The following SMG7 variants were observed in gnomAD, a reference collection of about 807,000 sequenced individuals.
SMG7 encodes the protein nonsense-mediated mRNA decay factor SMG7.
Under a neutral mutation model 148.2 loss-of-function variants are expected in SMG7, and 34 were observed. The observed-to-expected ratio is 0.23, with a 90% CI of 0.17 to 0.31. The LOEUF (loss-of-function observed/expected upper bound fraction) is 0.31. Among genes scored for constraint, SMG7 ranks in the 10% least tolerant of loss-of-function variants. The pLI is 1.00. For synonymous variants in SMG7, 492 were observed against 515.1 expected (o/e 0.96, Z 0.61); for missense variants, 1,114 against 1,408.4 (o/e 0.79, Z 3.35).
Position 183,527,706 on chromosome 1 carries a change from C to G in SMG7, c.485-250C>G. On this transcript the variant is annotated intron_variant, in intron 5 of 22. Transcript: ENST00000688051. This position sits in a 1 kb window ranked among gnomAD's most constrained non-coding sequence, Gnocchi z 4.0. ...TAGTGGGAGCTGGTGATGCATGACA[C>G]TGGAGGACCTGAAAATGGGGTCTAG... 1 of 530,858 alleles carries G rather than the reference C, an allele frequency of 1.9e-6. No homozygotes were observed. The highest frequency in any genetic ancestry group is 3.8e-6 in the Non-Finnish European group (1 of 266,500). The allele number at this position is 530,858 out of a possible 1,614,324, so 32.9% of individuals were successfully genotyped here. A position where few individuals can be genotyped will look rare whatever the true frequency, so the allele number is the denominator to read the frequency against.
chr1:183,492,822 A>G (rs938063140), intron 1 of SMG7, among the ~76,000 whole-genome samples: 1 of 152,114 alleles, frequency 6.6e-6, no homozygotes, highest in African/African-American at 2.4e-5. Context: ...CTATTTTAAC[A>G]TAAGCATATA....
At chr1:183,475,328 G>A (rs1651883880) in intron 1 of SMG7, among the ~76,000 whole-genome samples, 1 of 152,212 alleles carries the variant, frequency 6.6e-6, no homozygotes, top group African/African-American at 2.4e-5. Flanking sequence ...GAGGAATAAA[G>A]TAAGACAGGG....
intron 2 of SMG7, among the ~76,000 whole-genome samples, chr1:183,513,833 C>A (rs1662777778): frequency 6.6e-6 from 1 of 151,776 alleles, no homozygotes; most frequent in Non-Finnish European, 1.5e-5. Flanking sequence ...AGTTCGAGAC[C>A]AGTCTGGCCA....
At chr1:183,544,767 C>G (rs1669603042) in intron 15 of SMG7, among the ~76,000 whole-genome samples, 163 bp from the exon 16 acceptor site, 1 of 152,108 alleles carries the variant, frequency 6.6e-6, no homozygotes, top group Non-Finnish European at 1.5e-5. Flanking sequence ...AATATCAAGT[C>G]TATTTTTAGT....
At chr1:183,522,826 A>C (rs1571977744) in intron 4 of SMG7, among the ~76,000 whole-genome samples, 1 of 151,310 alleles carries the variant, frequency 6.6e-6, no homozygotes, top group Non-Finnish European at 1.5e-5. Context: ...ATTTTGGCTG[A>C]GTACGGTGCT....
intron 1 of SMG7, among the ~76,000 whole-genome samples, chr1:183,479,322 A>G (rs1653473541): frequency 6.6e-6 from 1 of 152,080 alleles, no homozygotes; most frequent in African/African-American, 2.4e-5. Context: ...TGTCTTGAGC[A>G]TTGTAAGACG....
chr1:183,482,180 A>G (rs189800950), intron 1 of SMG7, among the ~76,000 whole-genome samples: 2 of 151,760 alleles, frequency 1.3e-5, no homozygotes, highest in African/African-American at 4.8e-5. Context: ...CATATAAATT[A>G]GAGATTTTGA....
intron 8 of SMG7, among the ~76,000 whole-genome samples, chr1:183,532,569 T>C (rs1218187854): frequency 6.6e-6 from 1 of 152,188 alleles, no homozygotes; most frequent in South Asian, 2.1e-4. Context: ...AGTTGATAAT[T>C]TGTAGAAGTA....
At chr1:183,523,915 C>CTTTTGTT (rs893733051) in intron 4 of SMG7, among the ~76,000 whole-genome samples, 1 of 150,644 alleles carries the variant, frequency 6.6e-6, no homozygotes, top group African/African-American at 2.4e-5. Context: ...TAGTTATCCA[C>CTTTTGTT]TTTTGTTTTT....
Position 183,544,925 on chromosome 1 carries a change from T to G in SMG7, c.1988-5T>G. ...AAACTAAAGCTGTGTTCTTCTGTTT[T>G]GAAGGGTTTCCGCCCCCAACATATG... On this transcript the variant is annotated splice_region_variant and splice_polypyrimidine_tract_variant and intron_variant, in intron 15 of 22. Transcript: ENST00000688051. 6.2e-7 allele frequency: 1 copy of G among 1,609,924 alleles called. No individual in the cohort carries two copies. Among genetic ancestry groups the G allele is most frequent in the Non-Finnish European group, 8.5e-7 (1 of 1,176,988 alleles).
chr1:183,529,108 C>A, intron 7 of SMG7, 66 bp downstream of exon 7: 1 of 1,464,204 alleles, frequency 6.8e-7, no homozygotes, highest in South Asian at 1.3e-5. Flanking sequence ...CTTAATTCCT[C>A]ATAATTTGGT....
chr1:183,531,140 A>T (rs1666778851), intron 8 of SMG7, among the ~76,000 whole-genome samples: 1 of 152,144 alleles, frequency 6.6e-6, no homozygotes, highest in Non-Finnish European at 1.5e-5. Context: ...GTGAAATTTT[A>T]ACATAGTGGA....
At position 183,501,389 on chromosome 1, in the gene SMG7, A is replaced by G. The variant is rs1406739117; in HGVS notation, c.30-11448A>G. On this transcript the variant is annotated intron_variant, in intron 1 of 22. Coordinates refer to ENST00000688051, the MANE Select transcript of SMG7 (RefSeq NM_001375584.1). ...GTTTGAACCTAGGCAGTTTGAATAT[A>G]AGACATTCTTACTATATTATACTCC... 7.9e-5 allele frequency: 12 copies of G among 152,242 alleles called. No individual in the cohort carries two copies. The East Asian group carries it at 2.3e-3, about 29-fold the overall frequency. 9.4% of individuals were successfully genotyped at this position (152,242 alleles called of 1,614,324 possible).
At position 183,545,118 on chromosome 1, in the gene SMG7, C is replaced by T; in HGVS notation, c.2176C>T (p.Pro726Ser). The T allele has an allele frequency of 1.2e-6, 2 of 1,613,952 alleles. No individual in the cohort carries two copies. The highest frequency in any genetic ancestry group is 1.7e-6 in the Non-Finnish European group (2 of 1,179,866). ...TTACAGCCAGCAACGGCCCTCTGGA[C>T]CAGGGCCAATGAACCAGGGACCTCA... Reference protein sequence around the residue: ...IPYSQQRPSGPGPMNQGPQQS... With the variant: ...IPYSQQRPSGSGPMNQGPQQS... The change falls in exon 16 of 23, where the codon CCA becomes TCA. Residue 726 changes from proline to serine, a missense_variant. Transcript: ENST00000688051.
chr1:183,489,221 T>C (rs1656321557), intron 1 of SMG7, among the ~76,000 whole-genome samples: 1 of 152,094 alleles, frequency 6.6e-6, no homozygotes, highest in African/African-American at 2.4e-5. Context: ...ATACCTAAGG[T>C]GCTAAGTACT....
At chr1:183,546,746 C>T (rs976512960) in intron 17 of SMG7, among the ~76,000 whole-genome samples, 1 of 152,124 alleles carries the variant, frequency 6.6e-6, no homozygotes, top group Admixed American at 6.5e-5. Context: ...CTTTCTTTGC[C>T]CTTTTTATTC....
intron 1 of SMG7, among the ~76,000 whole-genome samples, chr1:183,491,140 T>C (rs1404956793): frequency 6.6e-6 from 1 of 152,214 alleles, no homozygotes; most frequent in Non-Finnish European, 1.5e-5. Flanking sequence ...CAATCATTAC[T>C]CTGATTTTTT....
At chr1:183,550,144 C>G in intron 20 of SMG7, 1 of 467,074 alleles carries the variant, frequency 2.1e-6, no homozygotes, top group South Asian at 3.5e-5. Flanking sequence ...CCTCAGTAGC[C>G]AGCAGAGATG....
chr1:183,517,264 T>C (rs1663754912), intron 3 of SMG7, among the ~76,000 whole-genome samples: 1 of 152,246 alleles, frequency 6.6e-6, no homozygotes, highest in Non-Finnish European at 1.5e-5. Context: ...AGATATGGCT[T>C]ACTATTTACA....
Sources: allele counts gnomAD v4.1 joint callset (sites outside exome capture counted in the v4.1 genomes callset), GRCh38; gene constraint gnomAD v4.1.1; non-coding constraint Gnocchi (gnomAD v3.1); transcripts MANE v1.5; gene names NCBI Gene and HGNC (gene_info 2026-07-23, HGNC 2026-07-21).